Variants in CREB3L3 observed in about 807,000 individuals in gnomAD.
CREB3L3 encodes the protein cAMP responsive element binding protein 3 like 3, also known as cyclic AMP-responsive element-binding protein 3-like protein 3.
Under a neutral mutation model 44.6 loss-of-function variants are expected in CREB3L3, and 40 were observed. That is an observed-to-expected ratio of 0.90 (90% CI 0.70 to 1.17). The LOEUF is 1.17. Ranked by LOEUF, CREB3L3 falls within the 50% of genes most tolerant of loss-of-function variation. The pLI is 0.00. For synonymous variants in CREB3L3, 273 were observed against 256.3 expected (o/e 1.06, Z -0.62); for missense variants, 578 against 595.8 (o/e 0.97, Z 0.31).
rs777481446 is a variant in CREB3L3, at chr19:4,162,516, C to CA, written c.577-1969dup. ...GCAACATAGCAAGACCTCGTCTCTA[C>CA]AAAAAAAAAAAAAAAAAATTAGCTG... is the stretch of plus-strand genomic sequence containing the variant. On this transcript the variant is annotated intron_variant, in intron 4 of 9. Coordinates refer to ENST00000078445, the MANE Select transcript of CREB3L3 (RefSeq NM_032607.3). Among the ~76,000 whole-genome samples the CA allele has an allele frequency of 1.8e-3, 171 of 96,736 alleles. 1 individual carries two copies. The highest frequency in any genetic ancestry group is 2.5e-3 in the African/African-American group (59 of 23,904). The allele number at this position is 96,736 out of a possible 152,430, so 63.5% of individuals were successfully genotyped here. A position where few individuals can be genotyped will look rare whatever the true frequency, so the allele number is the denominator to read the frequency against.
chr19:4,165,174 CTT>C (rs377031237), intron 5 of CREB3L3, among the ~76,000 whole-genome samples: 19 of 143,670 alleles, frequency 1.3e-4, no homozygotes, highest in East Asian at 2.0e-4. Context: ...GTGCAGCAAA[CTT>C]TTTTTTTTTT....
intron 5 of CREB3L3, among the ~76,000 whole-genome samples, chr19:4,165,280 G>A (rs1189722735): frequency 1.3e-5 from 2 of 151,068 alleles, no homozygotes; most frequent in Non-Finnish European, 1.5e-5. Flanking sequence ...AGATCCTCCC[G>A]CCTCAGCCTC....
Position 4,172,117 on chromosome 19 carries a change from A to T in CREB3L3, c.*148A>T, listed in dbSNP as rs1408886991. 1.1e-6 allele frequency: 1 copy of T among 872,814 alleles called. No homozygotes were observed. The highest frequency in any genetic ancestry group is 2.7e-5 in the East Asian group (1 of 37,444). 54.1% of individuals were successfully genotyped at this position (872,814 alleles called of 1,614,324 possible). A position where few individuals can be genotyped will look rare whatever the true frequency, so the allele number is the denominator to read the frequency against. On this transcript the variant is annotated 3_prime_UTR_variant, in exon 10 of 10. Transcript: ENST00000078445. ...GGGGAGGCACAGCTCATAGCCACAC[A>T]CCCAGGGCCTGACTGAGGCCCACGC...
In CREB3L3 at chr19:4,171,295, C is replaced by A; in HGVS notation, c.976-88C>A. 2 of 1,430,074 alleles carry A rather than the reference C, an allele frequency of 1.4e-6. No individual in the cohort carries two copies. The highest frequency in any genetic ancestry group is 1.9e-6 in the Non-Finnish European group (2 of 1,027,160). The allele number at this position is 1,430,074 out of a possible 1,614,324, so 88.6% of individuals were successfully genotyped here. A position where few individuals can be genotyped will look rare whatever the true frequency, so the allele number is the denominator to read the frequency against. On this transcript the variant is annotated intron_variant, in intron 8 of 9. Transcript: ENST00000078445. This position sits in a 1 kb window ranked among gnomAD's most constrained non-coding sequence, Gnocchi z 4.9. ...CAGCTCAAGTATGATCCAGTCTGGT[C>A]TTTGGGGCCTCAGTTTCCCTGCCTG...
intron 6 of CREB3L3, among the ~76,000 whole-genome samples, chr19:4,169,818 T>C (rs350853): frequency 0.85 from 129,604 of 151,782 alleles, 55,930 homozygotes; most frequent in African/African-American, 0.91. Context: ...AGGCTGGTCT[T>C]GAACTCCTGA....
rs1409726133 is a variant in CREB3L3 at position 4,172,963 on chromosome 19, C to G, written c.*994C>G. On this transcript the variant is annotated 3_prime_UTR_variant, in exon 10 of 10. Transcript: ENST00000078445. ...CTGCAGGGAGCCTGGCCCCGGAGCC[C>G]CGGGTGCGCCCTGGTCTTTGGAGCA... The G allele has an allele frequency of 6.5e-6, 1 of 153,104 alleles. No homozygotes were observed. The highest frequency in any genetic ancestry group is 1.5e-5 in the Non-Finnish European group (1 of 68,624). The allele number at this position is 153,104 out of a possible 1,614,324, so 9.5% of individuals were successfully genotyped here.
chr19:4,172,349 CCAGACAGA>C lies in CREB3L3; in HGVS notation c.*392_*399del. The C allele has an allele frequency of 5.6e-6, 2 of 360,032 alleles. No individual in the cohort carries two copies. The highest frequency in any genetic ancestry group is 1.0e-5 in the Non-Finnish European group (2 of 198,734). 22.3% of individuals were successfully genotyped at this position (360,032 alleles called of 1,614,324 possible). A position where few individuals can be genotyped will look rare whatever the true frequency, so the allele number is the denominator to read the frequency against. On this transcript the variant is annotated 3_prime_UTR_variant, in exon 10 of 10. Coordinates refer to ENST00000078445, the MANE Select transcript of CREB3L3 (RefSeq NM_032607.3). ...CAGACAGACACAGCCTGAAACAGAC[CCAGACAGA>C]CAGACAGACAGCCTGAAACAGACCC...
chr19:4,159,312 G>A (rs777748914), intron 3 of CREB3L3, among the ~76,000 whole-genome samples: 8 of 152,020 alleles, frequency 5.3e-5, no homozygotes, highest in Non-Finnish European at 1.0e-4. Context: ...CACCAGGCCC[G>A]GCTAATTTTT....
In CREB3L3 at chr19:4,159,764, G is replaced by A. The variant is rs770643783; in HGVS notation, c.558G>A (p.Ser186=). Residue 186 remains serine (S), a synonymous_variant, in exon 4 of 10, where the codon TCG becomes TCA. Coordinates refer to ENST00000078445, the MANE Select transcript of CREB3L3 (RefSeq NM_032607.3). Reference sequence around the variant, plus strand: ...TCACCGTGAAAGACCTCCTCCTTTCGGGCAGCAGTGGGGACCTGGTGAGCA... The same window carrying A: ...TCACCGTGAAAGACCTCCTCCTTTCAGGCAGCAGTGGGGACCTGGTGAGCA... ...CNLTVKDLLL[S]GSSGDLQQHH... 49 of 1,503,620 alleles carry A rather than the reference G, an allele frequency of 3.3e-5. No individual in the cohort carries two copies. Among genetic ancestry groups the A allele is most frequent in the East Asian group, 1.4e-4 (6 of 44,406 alleles). The allele number at this position is 1,503,620 out of a possible 1,614,324, so 93.1% of individuals were successfully genotyped here.
At chr19:4,159,325 A>G (rs1245441613) in intron 3 of CREB3L3, among the ~76,000 whole-genome samples, 1 of 150,766 alleles carries the variant, frequency 6.6e-6, no homozygotes, top group Non-Finnish European at 1.5e-5. Flanking sequence ...TAATTTTTGT[A>G]TTTTTAATAG....
chr19:4,154,483 C>A (rs1414343233), intron 1 of CREB3L3, among the ~76,000 whole-genome samples: 1 of 152,120 alleles, frequency 6.6e-6, no homozygotes, highest in Non-Finnish European at 1.5e-5. Context: ...GATCCTCCTA[C>A]CTCAGCCTCC....
At chr19:4,167,411 A>G (rs201396797) in intron 5 of CREB3L3, among the ~76,000 whole-genome samples, 164 of 146,518 alleles carry the variant, frequency 1.1e-3, no homozygotes, top group Admixed American at 2.6e-3. Context: ...GAAAGAAAGG[A>G]AAAGAAAGAA....
At chr19:4,155,062 G>A in intron 2 of CREB3L3, 35 bp downstream of exon 2, 1 of 1,600,462 alleles carries the variant, frequency 6.2e-7, no homozygotes, top group South Asian at 1.1e-5. Context: ...CGGGACCACA[G>A]AGCTCCAGGC....
intron 5 of CREB3L3, among the ~76,000 whole-genome samples, chr19:4,167,269 G>T (rs1568283567): frequency 6.6e-6 from 1 of 151,582 alleles, no homozygotes; most frequent in Non-Finnish European, 1.5e-5. Context: ...CTTGAACCCT[G>T]GGGGTGGAGG....
chr19:4,171,961 G>C lies in CREB3L3; in HGVS notation c.1378G>C (p.Glu460Gln), dbSNP rs762422687. ...GRAGLEAAGD[E>Q]L ...TGCAGGGCTGGAGGCGGCGGGAGAC[G>C]AGCTGTGAGCCCCGCCAGGACTATG... Residue 460 changes from glutamate to glutamine, a missense_variant, in exon 10 of 10, where the codon GAG becomes CAG. By Grantham distance (29) the Glu-to-Gln change is conservative. Coordinates refer to ENST00000078445, the MANE Select transcript of CREB3L3 (RefSeq NM_032607.3). The surrounding 1 kb of genome is among the most constrained non-coding windows in gnomAD (Gnocchi z 4.9). 6.3e-7 allele frequency: 1 copy of C among 1,594,942 alleles called. No individual in the cohort carries two copies. Among genetic ancestry groups the C allele is most frequent in the African/African-American group, 1.3e-5 (1 of 74,584 alleles).
At chr19:4,167,546 G>GA (rs1568284016) in intron 5 of CREB3L3, among the ~76,000 whole-genome samples, 35 of 127,304 alleles carry the variant, frequency 2.7e-4, no homozygotes, top group Non-Finnish European at 4.8e-4. Context: ...GGAAGGGAGG[G>GA]AGGGAGGGAG....
chr19:4,170,934 C>CAAAT (rs968725271), intron 7 of CREB3L3, among the ~76,000 whole-genome samples, 157 bp from the exon 8 acceptor site: 11 of 147,146 alleles, frequency 7.5e-5, no homozygotes, highest in African/African-American at 2.3e-4. Flanking sequence ...AATAAATAAA[C>CAAAT]AAATAAATAA....
chr19:4,171,179 A>C lies in CREB3L3; in HGVS notation c.975+4A>C. On this transcript the variant is annotated splice_donor_region_variant and intron_variant, in intron 8 of 9. Coordinates refer to ENST00000078445, the MANE Select transcript of CREB3L3 (RefSeq NM_032607.3). This position sits in a 1 kb window ranked among gnomAD's most constrained non-coding sequence, Gnocchi z 4.9. ...CCAGACAGGCACCTGTGTCGCAGTG[A>C]GTCCTGGTGCCCCCAGGCAAGCCGG... 6.2e-7 allele frequency: 1 copy of C among 1,613,440 alleles called. No individual in the cohort carries two copies. The highest frequency in any genetic ancestry group is 2.2e-5 in the East Asian group (1 of 44,860).
In CREB3L3 at chr19:4,170,174, C is replaced by T; in HGVS notation, c.856C>T (p.Gln286Ter). The change falls in exon 7 of 10, where the codon CAG (glutamine) becomes TAG (stop). Residue 286 changes from glutamine (Q) to a stop codon, truncating the protein, a stop_gained. Coordinates refer to ENST00000078445, the MANE Select transcript of CREB3L3 (RefSeq NM_032607.3). LOFTEE classifies it high-confidence loss of function. Reference protein sequence around the residue: ...SACTAQNQELQRKVLHLEKQN... With the variant: ...SACTAQNQEL ...TTGCACTGCTCAGAATCAGGAGTTACAGAGGAAAGTCTTGCATCTCGAGAA... is the reference window on the plus strand; with the variant it reads ...TTGCACTGCTCAGAATCAGGAGTTATAGAGGAAAGTCTTGCATCTCGAGAA... 6.2e-7 allele frequency: 1 copy of T among 1,614,120 alleles called. No homozygotes were observed. The highest frequency in any genetic ancestry group is 1.6e-4 in the Middle Eastern group (1 of 6,062).
Sources: allele counts gnomAD v4.1 joint callset (sites outside exome capture counted in the v4.1 genomes callset), GRCh38; gene constraint gnomAD v4.1.1; non-coding constraint Gnocchi (gnomAD v3.1); transcripts MANE v1.5; gene names NCBI Gene and HGNC (gene_info 2026-07-23, HGNC 2026-07-21).